Variants in MGST1 observed in about 807,000 individuals in gnomAD.
The protein encoded by MGST1 is glutathione S-transferase 12.
In MGST1, 5 loss-of-function variants were observed where a neutral mutation model predicts 8.9. The ratio of observed to expected loss-of-function variants is 0.56; its 90% CI spans 0.29 to 1.19. The LOEUF is 1.19. MGST1 is among the 50% of genes most tolerant of loss of function. The pLI, the probability that MGST1 is intolerant of heterozygous loss-of-function variation, is 0.08. For missense variants in MGST1, 182 were observed against 187.4 expected, an observed-to-expected ratio of 0.97 and a Z score of 0.17; for synonymous variants, 54 against 67.8, an observed-to-expected ratio of 0.80 and a Z score of 1.00.
At chr12:16,417,716 G>C (rs1333610729) in intron 1 of MGST1, among the ~76,000 whole-genome samples, 2 of 152,108 alleles carry the variant, frequency 1.3e-5, no homozygotes, top group Non-Finnish European at 2.9e-5. Flanking sequence ...CTTATGGTAG[G>C]TTAATAAGGG....
rs1166185007 is a variant in MGST1, at chr12:16,503,998, T to G, written n.483-85530T>G. On this transcript the variant is annotated intron_variant and non_coding_transcript_variant, in intron 4 of 4. Coordinates refer to the MGST1 transcript ENST00000538857. This position sits in a 1 kb window ranked among gnomAD's most constrained non-coding sequence, Gnocchi z 4.8. ...TTCGATAAAAGGTGTTGTCTAACAC[T>G]TCCGGCTCACCCTTGAATTCTTTCC... Among the ~76,000 whole-genome samples, 1 of 152,176 alleles carries G rather than the reference T, an allele frequency of 6.6e-6. No homozygotes were observed. Among genetic ancestry groups the G allele is most frequent in the African/African-American group, 2.4e-5 (1 of 41,450 alleles).
At chr12:16,419,953 G>A (rs1591722554) in intron 1 of MGST1, among the ~76,000 whole-genome samples, 1 of 152,122 alleles carries the variant, frequency 6.6e-6, no homozygotes, top group South Asian at 2.1e-4. Context: ...ATTGGCAGCC[G>A]ATGAAGGCTG....
At position 16,582,135 on chromosome 12, in the gene MGST1, T is replaced by A. The variant is rs1159003945; in HGVS notation, n.483-7393T>A. On this transcript the variant is annotated intron_variant and non_coding_transcript_variant, in intron 4 of 4. Coordinates refer to the MGST1 transcript ENST00000538857. This position sits in a 1 kb window ranked among gnomAD's most constrained non-coding sequence, Gnocchi z 4.1. ...AATTTGCAGTTAGGTTTCAGTAAAT[T>A]TTCTTAATCATATTTAACTGGTTTC... Among the ~76,000 whole-genome samples, 1 of 151,910 alleles carries A rather than the reference T, an allele frequency of 6.6e-6. No homozygotes were observed. Among genetic ancestry groups the A allele is most frequent in the Non-Finnish European group, 1.5e-5 (1 of 68,022 alleles).
At chr12:16,429,337 T>C (rs765623016) in intron 1 of MGST1, among the ~76,000 whole-genome samples, 9 of 152,136 alleles carry the variant, frequency 5.9e-5, no homozygotes, top group African/African-American at 2.2e-4. Context: ...GATTCTTCCT[T>C]GTGGTTATAA....
rs1942295806 is a variant in MGST1 at position 16,559,046 on chromosome 12, A to G, written n.483-30482A>G. 6.6e-6 allele frequency among the ~76,000 whole-genome samples: 1 copy of G among 152,164 alleles called. No homozygotes were observed. The highest frequency in any genetic ancestry group is 2.4e-5 in the African/African-American group (1 of 41,440). On this transcript the variant is annotated intron_variant and non_coding_transcript_variant, in intron 4 of 4. Transcript: ENST00000538857. This position sits in a 1 kb window ranked among gnomAD's most constrained non-coding sequence, Gnocchi z 4.1. ...TCACTAGAAATGTCACATTCTTTCTACTATTCTACAGGGTCTCATAAGAAG... is the reference window on the plus strand; with the variant it reads ...TCACTAGAAATGTCACATTCTTTCTGCTATTCTACAGGGTCTCATAAGAAG...
chr12:16,486,186 C>T (rs922902692), intron 4 of MGST1, among the ~76,000 whole-genome samples: 2 of 152,196 alleles, frequency 1.3e-5, no homozygotes, highest in Non-Finnish European at 2.9e-5. Context: ...TCTACCTTGA[C>T]AGAATTTTTC....
intron 4 of MGST1, among the ~76,000 whole-genome samples, chr12:16,447,086 C>A (rs79195099): frequency 0.032 from 4,918 of 152,004 alleles, 218 homozygotes; most frequent in African/African-American, 0.1. Context: ...TGGACCGTCA[C>A]TTTCTCCAGA....
rs551117426 is a variant in MGST1, at chr12:16,555,972, T to A, written n.483-33556T>A. On this transcript the variant is annotated intron_variant and non_coding_transcript_variant, in intron 4 of 4. Coordinates refer to the MGST1 transcript ENST00000538857. The surrounding 1 kb of genome is among the most constrained non-coding windows in gnomAD (Gnocchi z 5.5). ...GCTCTCTCTTCCCTCAGTATAGCTCTATTTAGCATCGATTACACTCTTCTG... is the reference window on the plus strand; with the variant it reads ...GCTCTCTCTTCCCTCAGTATAGCTCAATTTAGCATCGATTACACTCTTCTG... Among the ~76,000 whole-genome samples the A allele has an allele frequency of 3.9e-5, 6 of 152,306 alleles. No homozygotes were observed. The East Asian group carries it at 1.2e-3, about 29-fold the overall frequency.
At chr12:16,409,556 G>T (rs1000505113) in intron 1 of MGST1, among the ~76,000 whole-genome samples, 1 of 152,090 alleles carries the variant, frequency 6.6e-6, no homozygotes, top group African/African-American at 2.4e-5. Context: ...AAGTATAAAT[G>T]AATCCTCTCT....
At chr12:16,577,531 T>A (rs1943032118) in intron 4 of MGST1, among the ~76,000 whole-genome samples, 1 of 152,182 alleles carries the variant, frequency 6.6e-6, no homozygotes, top group South Asian at 2.1e-4. Context: ...GTACCTATTA[T>A]CAGCCAGATT....
intron 4 of MGST1, among the ~76,000 whole-genome samples, chr12:16,487,923 A>T (rs1941410631): frequency 6.6e-6 from 1 of 152,222 alleles, no homozygotes; most frequent in African/African-American, 2.4e-5. Flanking sequence ...AAGCATTTAA[A>T]CATTAATTTA....
At position 16,467,100 on chromosome 12, in the gene MGST1, C is replaced by T. The variant is rs1941261041; in HGVS notation, n.482+83496C>T. 3.9e-5 allele frequency among the ~76,000 whole-genome samples: 6 copies of T among 152,262 alleles called. No homozygotes were observed. The South Asian group carries it at 1.2e-3, about 32-fold the overall frequency. ...TTGTCATGTGATATGAAACACAAAT[C>T]TAAGAGCTTTCAGCAATCACAAACC... On this transcript the variant is annotated intron_variant and non_coding_transcript_variant, in intron 4 of 4. Transcript: ENST00000538857.
At chr12:16,464,263 C>T (rs1488741062) in intron 4 of MGST1, among the ~76,000 whole-genome samples, 3 of 152,180 alleles carry the variant, frequency 2.0e-5, no homozygotes, top group African/African-American at 7.2e-5. Context: ...CATTTCCGCC[C>T]ATTTTCATGT....
rs1940657136 is a variant in MGST1 at position 16,401,772 on chromosome 12, A to G, written n.778+18168A>G. 1.9e-6 allele frequency: 3 copies of G among 1,600,964 alleles called. No individual in the cohort carries two copies. In the East Asian group the frequency reaches 6.7e-5, roughly 36 times the overall value. On this transcript the variant is annotated intron_variant and non_coding_transcript_variant, in intron 1 of 1. Transcript: ENST00000359720. The surrounding 1 kb of genome is among the most constrained non-coding windows in gnomAD (Gnocchi z 4.3). ...AACGGCCTTTTCCACAGACTCAGCC[A>G]GTTTGCTGTGTCAAACTTTCTCATC...
intron 4 of MGST1, among the ~76,000 whole-genome samples, chr12:16,450,890 CTG>C (rs1565457248): frequency 2.7e-5 from 4 of 150,830 alleles, no homozygotes; most frequent in Non-Finnish European, 5.9e-5. Context: ...CACACGGAAA[CTG>C]AGACATAAAG....
At chr12:16,461,376 C>T (rs905342803) in intron 4 of MGST1, among the ~76,000 whole-genome samples, 1 of 152,106 alleles carries the variant, frequency 6.6e-6, no homozygotes, top group Admixed American at 6.6e-5. Flanking sequence ...TCTTGTCAGA[C>T]TCACTAAGGT....
intron 4 of MGST1, among the ~76,000 whole-genome samples, chr12:16,483,523 T>A (rs1941378896): frequency 6.6e-6 from 1 of 152,254 alleles, no homozygotes; most frequent in African/African-American, 2.4e-5. Flanking sequence ...AACAACCATA[T>A]TCTAACCAAA....
At chr12:16,448,799 G>T (rs1337115906) in intron 4 of MGST1, among the ~76,000 whole-genome samples, 2 of 151,868 alleles carry the variant, frequency 1.3e-5, no homozygotes, top group Non-Finnish European at 1.5e-5. Context: ...TCCTTATCCT[G>T]CAAATGCAAT....
intron 4 of MGST1, among the ~76,000 whole-genome samples, chr12:16,455,439 G>A (rs572484673): frequency 4.0e-5 from 6 of 151,644 alleles, no homozygotes; most frequent in Admixed American, 3.9e-4. Context: ...AAGGAATTTA[G>A]TTCACTTTTT....
Sources: gnomAD v4.1 joint callset for allele counts (sites outside exome capture counted in the v4.1 genomes callset) on GRCh38, gnomAD v4.1.1 for gene constraint, Gnocchi (gnomAD v3.1) non-coding constraint, MANE v1.5 for transcripts, NCBI Gene and HGNC (gene_info 2026-07-23, HGNC 2026-07-21) for gene names.